Variants in WDR3 observed in about 807,000 individuals in gnomAD.
WDR3 encodes WD repeat-containing protein 3.
Under a neutral mutation model 123.7 loss-of-function variants are expected in WDR3, and 81 were observed. The ratio of observed to expected loss-of-function variants is 0.65; its 90% confidence interval spans 0.55 to 0.79. The LOEUF is 0.79. Among genes scored for constraint, WDR3 ranks in the 30% least tolerant of loss-of-function variants. The pLI, the probability that WDR3 is intolerant of heterozygous loss-of-function variation, is 0.00. For synonymous variants in WDR3, 390 were observed against 388.8 expected, an observed-to-expected ratio of 1.00 and a Z score of -0.04; for missense variants, 1,027 against 1,123.2, an observed-to-expected ratio of 0.91 and a Z score of 1.22.
intron 9 of WDR3, among the ~76,000 whole-genome samples, chr1:117,942,054 G>T (rs2101203937): frequency 6.6e-6 from 1 of 152,196 alleles, no homozygotes; most frequent in Middle Eastern, 3.4e-3. Context: ...TACCTATTCT[G>T]GTTTATTTAA....
Position 117,950,881 on chromosome 1 carries a change from C to CA in WDR3, c.1795dup (p.Ile599AsnfsTer4). The CA allele has an allele frequency of 6.2e-7, 1 of 1,608,460 alleles. No homozygotes were observed. Among genetic ancestry groups the CA allele is most frequent in the Non-Finnish European group, 8.5e-7 (1 of 1,178,328 alleles). On this transcript the variant is annotated frameshift_variant, in exon 16 of 27. Coordinates refer to ENST00000349139, the MANE Select transcript of WDR3 (RefSeq NM_006784.3). LOFTEE classifies it high-confidence loss of function. Reference sequence around the variant, plus strand: ...ACAAACTGCCTGTTATATGCATGGACATCTCTCATGTAAGTAGTTTAAATA... The same window carrying CA: ...ACAAACTGCCTGTTATATGCATGGACAATCTCTCATGTAAGTAGTTTAAATA...
intron 11 of WDR3, among the ~76,000 whole-genome samples, chr1:117,945,719 T>G (rs56006823): frequency 0.044 from 6,694 of 152,196 alleles, 312 homozygotes; most frequent in South Asian, 0.13. Flanking sequence ...ATTAATTAAT[T>G]AATGTTTGTG....
At position 117,966,298 on chromosome 1, in the gene WDR3, C is replaced by A. The variant is rs1653835265; in HGVS notation, c.*6851C>A. 4.8e-6 allele frequency: 1 copy of A among 208,992 alleles called. No homozygotes were observed. Among genetic ancestry groups the A allele is most frequent in the Admixed American group, 5.5e-5 (1 of 18,340 alleles). The allele number at this position is 208,992 out of a possible 1,614,324, so 12.9% of individuals were successfully genotyped here. On this transcript the variant is annotated 3_prime_UTR_variant, in exon 27 of 27. Transcript: ENST00000349139. ...TAATAATAAGGTATTTCCTATCCTTCCATAAAATTATAATTTTTTTGTGAT... is the reference window on the plus strand; with the variant it reads ...TAATAATAAGGTATTTCCTATCCTTACATAAAATTATAATTTTTTTGTGAT...
chr1:117,936,879 A>G lies in WDR3; in HGVS notation c.492A>G (p.Leu164=), dbSNP rs755743615. 1 of 1,611,240 alleles carries G rather than the reference A, an allele frequency of 6.2e-7. No individual in the cohort carries two copies. The highest frequency in any genetic ancestry group is 1.1e-5 in the South Asian group (1 of 90,790). The part of the protein sequence containing the change: ...QALFLREKNL[L]VTSGKDTMVK... The stretch of plus-strand genomic sequence containing the variant: ...TGTTTCTACGAGAAAAGAACCTGCT[A>G]GTTACTAGGTAAAGAAATAATGGTT... Residue 164 remains leucine, a synonymous_variant, in exon 4 of 27, where the codon CTA becomes CTG. Transcript: ENST00000349139.
rs751346215 is a variant in WDR3 at position 117,950,871 on chromosome 1, T to C, written c.1784T>C (p.Ile595Thr). Reference protein sequence around the residue: ...LSLYGHKLPVICMDISHDGAL... With the variant: ...LSLYGHKLPVTCMDISHDGAL... ...CTGTATGGACACAAACTGCCTGTTA[T>C]ATGCATGGACATCTCTCATGTAAGT... The change falls in exon 16 of 27, where the codon ATA becomes ACA. Residue 595 changes from isoleucine to threonine, a missense_variant. Coordinates refer to ENST00000349139, the MANE Select transcript of WDR3 (RefSeq NM_006784.3). 4 of 1,609,852 alleles carry C rather than the reference T, an allele frequency of 2.5e-6. No individual in the cohort carries two copies. The highest frequency in any genetic ancestry group is 1.7e-5 in the Admixed American group (1 of 58,816).
intron 6 of WDR3, among the ~76,000 whole-genome samples, chr1:117,940,398 A>G (rs1037450229): frequency 2.6e-5 from 4 of 152,182 alleles, no homozygotes; most frequent in African/African-American, 7.2e-5. Context: ...GTTATTGGCC[A>G]TAAGAAAGAT....
Position 117,954,111 on chromosome 1 carries a change from G to A in WDR3, c.2361+12G>A. Reference sequence around the variant, plus strand: ...CTGCAGGGAAAGAGGTAATAAGAGAGTACAGTAAGTTACAGTATCAATAAA... The same window carrying A: ...CTGCAGGGAAAGAGGTAATAAGAGAATACAGTAAGTTACAGTATCAATAAA... On this transcript the variant is annotated intron_variant, in intron 22 of 26. Transcript: ENST00000349139. 2 of 1,601,952 alleles carry A rather than the reference G, an allele frequency of 1.2e-6. No homozygotes were observed. Among genetic ancestry groups the A allele is most frequent in the Non-Finnish European group, 1.7e-6 (2 of 1,172,752 alleles).
intron 9 of WDR3, 60 bp downstream of exon 9, chr1:117,941,907 G>A (rs1311698628): frequency 8.7e-6 from 13 of 1,489,738 alleles, no homozygotes; most frequent in Non-Finnish European, 1.2e-5. Context: ...CCATGTTACT[G>A]AAAAAAAACT....
chr1:117,941,062 T>C, intron 7 of WDR3, 62 bp from the exon 8 acceptor site: 2 of 1,597,610 alleles, frequency 1.3e-6, no homozygotes, highest in Non-Finnish European at 1.7e-6. Context: ...TAGAATTATG[T>C]TTTTTTCAGA....
rs370782159 is a variant in WDR3, at chr1:117,945,893, T to C, written c.1329-193T>C. Among the ~76,000 whole-genome samples the C allele has an allele frequency of 2.7e-4, 41 of 152,324 alleles. No individual in the cohort carries two copies. In the East Asian group the frequency reaches 3.7e-3, roughly 14 times the overall value. On this transcript the variant is annotated intron_variant, in intron 11 of 26. Coordinates refer to ENST00000349139, the MANE Select transcript of WDR3 (RefSeq NM_006784.3). ...TCTGTTCCTTAGGATTTGGAGGCCTTATAAAGTAAACAAAGTTTGGTGCTT... is the reference window on the plus strand; with the variant it reads ...TCTGTTCCTTAGGATTTGGAGGCCTCATAAAGTAAACAAAGTTTGGTGCTT...
At chr1:117,934,374 ATTGGTGCTC>A (rs1650843242) in intron 2 of WDR3, 90 bp from the exon 3 acceptor site, 1 of 1,119,968 alleles carries the variant, frequency 8.9e-7, no homozygotes, top group Admixed American at 2.4e-5. Flanking sequence ...ATTTGGAATT[ATTGGTGCTC>A]TTAATTTTAC....
rs1299000183 is a variant in WDR3 at position 117,952,558 on chromosome 1, G to C, written c.2047G>C (p.Val683Leu). The C allele has an allele frequency of 2.5e-6, 4 of 1,612,898 alleles. No homozygotes were observed. ...GHHQEIWCLA[V>L]SPSGDYVVSS... ...TCACCAGGAAATATGGTGTTTGGCTGTAAGCCCCAGTGGAGACTATGTTGT... is the reference window on the plus strand; with the variant it reads ...TCACCAGGAAATATGGTGTTTGGCTCTAAGCCCCAGTGGAGACTATGTTGT... The change falls in exon 19 of 27, where the codon GTA becomes CTA. Residue 683 changes from valine to leucine, a missense_variant. Coordinates refer to ENST00000349139, the MANE Select transcript of WDR3 (RefSeq NM_006784.3).
At chr1:117,930,096 C>A (rs2101184893) in intron 1 of WDR3, among the ~76,000 whole-genome samples, 1 of 152,326 alleles carries the variant, frequency 6.6e-6, no homozygotes, top group East Asian at 1.9e-4. Flanking sequence ...ACCGAAGACT[C>A]GTTTAGGAAT....
intron 1 of WDR3, among the ~76,000 whole-genome samples, chr1:117,930,535 TTTAGCCTTTTC>T (rs879421041): frequency 3.9e-5 from 6 of 152,314 alleles, no homozygotes; most frequent in Non-Finnish European, 5.9e-5. Context: ...TGGCAAACGA[TTTAGCCTTTTC>T]AAGGCTTTAG....
chr1:117,931,919 G>T (rs17037754), intron 1 of WDR3, among the ~76,000 whole-genome samples: 6,491 of 150,942 alleles, frequency 0.043, 461 homozygotes, highest in African/African-American at 0.15. Context: ...AATTTTTTTT[G>T]TGTTAGACTA....
chr1:117,936,007 C>T (rs2101194385), intron 3 of WDR3, among the ~76,000 whole-genome samples: 1 of 152,012 alleles, frequency 6.6e-6, no homozygotes. Flanking sequence ...GGCCAATAAT[C>T]ACCATAAAGC....
chr1:117,946,161 G>A lies in WDR3; in HGVS notation c.1404G>A (p.Gln468=), dbSNP rs903580734. ...CATTCTTTGTACCTGGTGATAGACA[G>A]GTAGTCATAGGAACAAAGGTAAATG... ...LCSFFVPGDR[Q]VVIGTKTGKL... Residue 468 remains glutamine (Q), a synonymous_variant, in exon 12 of 27, where the codon CAG becomes CAA. Transcript: ENST00000349139. The A allele has an allele frequency of 6.2e-7, 1 of 1,611,224 alleles. No individual in the cohort carries two copies. The highest frequency in any genetic ancestry group is 8.5e-7 in the Non-Finnish European group (1 of 1,178,296).
intron 14 of WDR3, 47 bp downstream of exon 14, chr1:117,949,883 G>A: frequency 6.2e-7 from 1 of 1,610,702 alleles, no homozygotes; most frequent in Non-Finnish European, 8.5e-7. Flanking sequence ...AAAATGGGGA[G>A]CTATGGAATG....
At chr1:117,947,522 G>A (rs1439212194) in intron 12 of WDR3, among the ~76,000 whole-genome samples, 4 of 152,080 alleles carry the variant, frequency 2.6e-5, no homozygotes, top group Admixed American at 2.0e-4. Flanking sequence ...ATTTGCCGTC[G>A]GGAAAGTAGT....
Sources: allele counts gnomAD v4.1 joint callset (sites outside exome capture counted in the v4.1 genomes callset), GRCh38; gene constraint gnomAD v4.1.1; transcripts MANE v1.5; gene names NCBI Gene and HGNC (gene_info 2026-07-23, HGNC 2026-07-21).